Variants in EHMT2 observed in about 807,000 individuals in gnomAD.
The protein encoded by EHMT2 is histone-lysine N-methyltransferase EHMT2.
In EHMT2, 59 loss-of-function variants were observed where a neutral mutation model predicts 143.3. The ratio of observed to expected loss-of-function variants is 0.41; its 90% CI spans 0.33 to 0.51. EHMT2 has a LOEUF of 0.51. Among genes scored for constraint, EHMT2 ranks in the 20% least tolerant of loss-of-function variants. The pLI is 0.18. For missense variants in EHMT2, 1,174 were observed against 1,645.9 expected (o/e 0.71, Z 4.96); for synonymous variants, 604 against 651.5 (o/e 0.93, Z 1.11).
intron 4 of EHMT2, among the ~76,000 whole-genome samples, chr6:31,894,693 G>A (rs760715388): frequency 2.6e-5 from 4 of 151,998 alleles, no homozygotes; most frequent in Non-Finnish European, 4.4e-5. Flanking sequence ...TTTGAGTCTC[G>A]CTCTGTTGCC....
Position 31,888,787 on chromosome 6 carries a change from C to A in EHMT2, c.1217-40G>T. 6.2e-7 allele frequency: 1 copy of A among 1,606,078 alleles called. No homozygotes were observed. Among genetic ancestry groups the A allele is most frequent in the Non-Finnish European group, 8.5e-7 (1 of 1,177,990 alleles). On this transcript the variant is annotated intron_variant, in intron 10 of 27. Coordinates refer to ENST00000375537, the Ensembl canonical transcript of EHMT2. This position sits in a 1 kb window ranked among gnomAD's most constrained non-coding sequence, Gnocchi z 7.4. ...AAGAGGAGCTGAGGGAGGCTCTGCA[C>A]CTCACCTACTGGGACCCCTGGCGGG...
rs754527146 is a variant in EHMT2, at chr6:31,889,049, G to A, written c.1136C>T (p.Ser379Leu). ...GACCTCCATGTACTCACTGGGGCCTGAGGAGCCCACACCATTCACTCCTGA... is the reference window on the plus strand; with the variant it reads ...GACCTCCATGTACTCACTGGGGCCTAAGGAGCCCACACCATTCACTCCTGA... Residue 379 changes from serine to leucine, a missense_variant, in exon 10 of 28, where the codon TCA (serine) becomes TTA (leucine). Coordinates refer to ENST00000375537, the Ensembl canonical transcript of EHMT2. This position sits in a 1 kb window ranked among gnomAD's most constrained non-coding sequence, Gnocchi z 5.1. 29 of 1,604,548 alleles carry A rather than the reference G, an allele frequency of 1.8e-5. No individual in the cohort carries two copies. Among genetic ancestry groups the A allele is most frequent in the Non-Finnish European group, 2.4e-5 (28 of 1,176,736 alleles).
In EHMT2 at chr6:31,880,603, G is replaced by A. The variant is rs2151585095; in HGVS notation, c.3452+70C>T. 1.3e-6 allele frequency: 2 copies of A among 1,529,460 alleles called. No homozygotes were observed. The highest frequency in any genetic ancestry group is 1.8e-6 in the Non-Finnish European group (2 of 1,113,810). 94.7% of individuals were successfully genotyped at this position (1,529,460 alleles called of 1,614,324 possible). A position where few individuals can be genotyped will look rare whatever the true frequency, so the allele number is the denominator to read the frequency against. Reference sequence around the variant, plus strand: ...ATGCCTGGACACCAGGTACATGCCAGCCTTCAGGTCCCAGGTTTGCTGCAT... The same window carrying A: ...ATGCCTGGACACCAGGTACATGCCAACCTTCAGGTCCCAGGTTTGCTGCAT... On this transcript the variant is annotated intron_variant, in intron 27 of 27. Transcript: ENST00000375537. The surrounding 1 kb of genome is among the most constrained non-coding windows in gnomAD (Gnocchi z 6.6).
exon 24 of EHMT2, chr6:31,882,914 C>A: frequency 1.9e-6 from 3 of 1,612,952 alleles, no homozygotes; most frequent in Non-Finnish European, 2.5e-6. Context: ...TCTGTACGAC[C>A]CGGTTCTTGC....
intron 1 of EHMT2, chr6:31,897,241 C>T: frequency 1.7e-6 from 2 of 1,145,700 alleles, no homozygotes; most frequent in Non-Finnish European, 1.1e-6. Flanking sequence ...GGGGGCGGGG[C>T]CTCCGCGCCC....
rs879243235 is a variant in EHMT2, at chr6:31,883,507, CCT to C, written c.2917-70_2917-69del. The C allele has an allele frequency of 5.4e-6, 8 of 1,480,136 alleles. No individual in the cohort carries two copies. Among genetic ancestry groups the C allele is most frequent in the East Asian group, 2.4e-5 (1 of 41,634 alleles). 91.7% of individuals were successfully genotyped at this position (1,480,136 alleles called of 1,614,324 possible). Reference sequence around the variant, plus strand: ...CTGGGCCCCTCTACTCTTGATGCCCCCTGACCCCCTAACCACTGTCCTTTCTT... The same window carrying C: ...CTGGGCCCCTCTACTCTTGATGCCCCGACCCCCTAACCACTGTCCTTTCTT... On this transcript the variant is annotated intron_variant, in intron 22 of 27. Transcript: ENST00000375537. This position sits in a 1 kb window ranked among gnomAD's most constrained non-coding sequence, Gnocchi z 5.6.
chr6:31,883,152 G>A lies in EHMT2; in HGVS notation c.2995-143C>T. The A allele has an allele frequency of 2.3e-6, 2 of 863,532 alleles. No homozygotes were observed. Among genetic ancestry groups the A allele is most frequent in the Non-Finnish European group, 3.7e-6 (2 of 538,114 alleles). 53.5% of individuals were successfully genotyped at this position (863,532 alleles called of 1,614,324 possible). ...CTGAGATCCGAGAGCACGAAATGCAGGAGCATCATCCCTGGTTTGCATAGA... is the reference window on the plus strand; with the variant it reads ...CTGAGATCCGAGAGCACGAAATGCAAGAGCATCATCCCTGGTTTGCATAGA... On this transcript the variant is annotated intron_variant, in intron 23 of 27. Coordinates refer to ENST00000375537, the Ensembl canonical transcript of EHMT2. The surrounding 1 kb of genome is among the most constrained non-coding windows in gnomAD (Gnocchi z 5.6).
rs1238606668 is a variant in EHMT2 at position 31,880,082 on chromosome 6, T to C, written c.*2A>G. ...GCTGGGGAGAGAGGGTGTGGTCCGT[T>C]CTCATGTGTTGACAGGGGGCAGGGA... On this transcript the variant is annotated 3_prime_UTR_variant, in exon 28 of 28. Coordinates refer to ENST00000375537, the Ensembl canonical transcript of EHMT2. The surrounding 1 kb of genome is among the most constrained non-coding windows in gnomAD (Gnocchi z 6.6). 6.2e-7 allele frequency: 1 copy of C among 1,611,962 alleles called. No individual in the cohort carries two copies. Among genetic ancestry groups the C allele is most frequent in the South Asian group, 1.1e-5 (1 of 91,008 alleles).
chr6:31,883,594 T>C lies in EHMT2; in HGVS notation c.2917-155A>G, dbSNP rs1200762464. The C allele has an allele frequency of 7.2e-6, 7 of 973,326 alleles. No individual in the cohort carries two copies. The highest frequency in any genetic ancestry group is 1.6e-5 in the African/African-American group (1 of 62,024). 60.3% of individuals were successfully genotyped at this position (973,326 alleles called of 1,614,324 possible). A position where few individuals can be genotyped will look rare whatever the true frequency, so the allele number is the denominator to read the frequency against. ...GTCCTAGGGTGACGGGTAATCAGTATGGTGGTGTCCCCAGGGCTACTGGGA... is the reference window on the plus strand; with the variant it reads ...GTCCTAGGGTGACGGGTAATCAGTACGGTGGTGTCCCCAGGGCTACTGGGA... On this transcript the variant is annotated intron_variant, in intron 22 of 27. Transcript: ENST00000375537. This position sits in a 1 kb window ranked among gnomAD's most constrained non-coding sequence, Gnocchi z 5.6.
chr6:31,887,758 C>A (rs1458085064), intron 14 of EHMT2, 21 bp downstream of exon 14: 2 of 1,599,648 alleles, frequency 1.3e-6, no homozygotes, highest in South Asian at 1.1e-5. Context: ...AGTTGCTGTG[C>A]CTGAGCAACT....
chr6:31,883,609 G>A lies in EHMT2; in HGVS notation c.2917-170C>T. On this transcript the variant is annotated intron_variant, in intron 22 of 27. Transcript: ENST00000375537. This position sits in a 1 kb window ranked among gnomAD's most constrained non-coding sequence, Gnocchi z 5.6. ...GTAATCAGTATGGTGGTGTCCCCAG[G>A]GCTACTGGGAGCTCATATGATACCT... 1.0e-6 allele frequency: 1 copy of A among 989,892 alleles called. No homozygotes were observed. Among genetic ancestry groups the A allele is most frequent in the Non-Finnish European group, 1.5e-6 (1 of 654,260 alleles). The allele number at this position is 989,892 out of a possible 1,614,324, so 61.3% of individuals were successfully genotyped here.
chr6:31,884,974 T>C lies in EHMT2; in HGVS notation c.2386A>G (p.Lys796Glu). Reference sequence around the variant, plus strand: ...AGCATGCGGATCACCTCGATGTGCTTGTGCTCTGCAGCCCAGATGATGGGC... The same window carrying C: ...AGCATGCGGATCACCTCGATGTGCTCGTGCTCTGCAGCCCAGATGATGGGC... Residue 796 changes from lysine (K) to glutamate (E), a missense_variant, in exon 19 of 28, where the codon AAG (lysine) becomes GAG (glutamate). Lys to Glu is a moderately conservative substitution (Grantham distance 56). This residue lies in a region of EHMT2 where 608 missense variants were observed against 903.7 expected (regional missense o/e 0.67). Coordinates refer to ENST00000375537, the Ensembl canonical transcript of EHMT2. This position sits in a 1 kb window ranked among gnomAD's most constrained non-coding sequence, Gnocchi z 7.3. 6.2e-7 allele frequency: 1 copy of C among 1,611,214 alleles called. No individual in the cohort carries two copies. Among genetic ancestry groups the C allele is most frequent in the Non-Finnish European group, 8.5e-7 (1 of 1,178,098 alleles).
In EHMT2 at chr6:31,884,257, G is replaced by T; in HGVS notation, c.2771+135C>A. 1.9e-6 allele frequency: 2 copies of T among 1,041,886 alleles called. No homozygotes were observed. Among genetic ancestry groups the T allele is most frequent in the Non-Finnish European group, 2.7e-6 (2 of 733,708 alleles). 64.5% of individuals were successfully genotyped at this position (1,041,886 alleles called of 1,614,324 possible). ...TATCTGGCAACCCTAGTGGGGAGGG[G>T]GCCTGTGGGTGGTTCTGGGGATTCA... On this transcript the variant is annotated intron_variant, in intron 21 of 27. Transcript: ENST00000375537. This position sits in a 1 kb window ranked among gnomAD's most constrained non-coding sequence, Gnocchi z 7.3.
At position 31,880,580 on chromosome 6, in the gene EHMT2, G is replaced by T; in HGVS notation, c.3452+93C>A. Reference sequence around the variant, plus strand: ...TCTGAGAAGCTCTGCACTACTCCATGCCTGGACACCAGGTACATGCCAGCC... The same window carrying T: ...TCTGAGAAGCTCTGCACTACTCCATTCCTGGACACCAGGTACATGCCAGCC... On this transcript the variant is annotated intron_variant, in intron 27 of 27. Transcript: ENST00000375537. The surrounding 1 kb of genome is among the most constrained non-coding windows in gnomAD (Gnocchi z 6.6). The T allele has an allele frequency of 7.4e-7, 1 of 1,358,110 alleles. No homozygotes were observed. 84.1% of individuals were successfully genotyped at this position (1,358,110 alleles called of 1,614,324 possible).
chr6:31,889,187 C>A lies in EHMT2; in HGVS notation c.1114+41G>T. 1.3e-6 allele frequency: 2 copies of A among 1,567,460 alleles called. No homozygotes were observed. Among genetic ancestry groups the A allele is most frequent in the East Asian group, 2.3e-5 (1 of 42,798 alleles). On this transcript the variant is annotated intron_variant, in intron 9 of 27. Transcript: ENST00000375537. The surrounding 1 kb of genome is among the most constrained non-coding windows in gnomAD (Gnocchi z 5.1). ...CGTGCACACACTCTGGGGGGCCGGGCGGGGGCTGGAGGGCACCCAAAAGCA... is the reference window on the plus strand; with the variant it reads ...CGTGCACACACTCTGGGGGGCCGGGAGGGGGCTGGAGGGCACCCAAAAGCA...
At chr6:31,879,825 T>C in exon 28 of EHMT2, 1 of 520,702 alleles carries the variant, frequency 1.9e-6, no homozygotes, top group Admixed American at 3.1e-5. Flanking sequence ...CCGACTTCAA[T>C]TCATCAAACT....
chr6:31,888,780 C>A lies in EHMT2; in HGVS notation c.1217-33G>T, dbSNP rs748891428. ...GGAGGAAAAGAGGAGCTGAGGGAGG[C>A]TCTGCACCTCACCTACTGGGACCCC... On this transcript the variant is annotated intron_variant, in intron 10 of 27. Transcript: ENST00000375537. The surrounding 1 kb of genome is among the most constrained non-coding windows in gnomAD (Gnocchi z 7.4). 1 of 1,607,768 alleles carries A rather than the reference C, an allele frequency of 6.2e-7. No homozygotes were observed. Among genetic ancestry groups the A allele is most frequent in the South Asian group, 1.1e-5 (1 of 90,678 alleles).
chr6:31,880,472 C>G lies in EHMT2; in HGVS notation c.3452+201G>C. On this transcript the variant is annotated intron_variant, in intron 27 of 27. Coordinates refer to ENST00000375537, the Ensembl canonical transcript of EHMT2. The surrounding 1 kb of genome is among the most constrained non-coding windows in gnomAD (Gnocchi z 6.6). Reference sequence around the variant, plus strand: ...GAAATGCAGAATCCTGGGCCCCATCCCAAGCCTACTGATTCAAAATCTCTC... The same window carrying G: ...GAAATGCAGAATCCTGGGCCCCATCGCAAGCCTACTGATTCAAAATCTCTC... The G allele has an allele frequency of 1.2e-6, 1 of 835,798 alleles. No individual in the cohort carries two copies. The highest frequency in any genetic ancestry group is 1.8e-5 in the South Asian group (1 of 54,330). The allele number at this position is 835,798 out of a possible 1,614,324, so 51.8% of individuals were successfully genotyped here. A position where few individuals can be genotyped will look rare whatever the true frequency, so the allele number is the denominator to read the frequency against.
At chr6:31,896,343 G>A in exon 4 of EHMT2, 2 of 1,612,972 alleles carry the variant, frequency 1.2e-6, no homozygotes, top group Non-Finnish European at 1.7e-6. Context: ...GTGGCTGGAG[G>A]GGGTTCAGAC....
Sources: allele counts gnomAD v4.1 joint callset (sites outside exome capture counted in the v4.1 genomes callset), GRCh38; gene constraint gnomAD v4.1.1; regional missense constraint gnomAD v4.1.1; non-coding constraint Gnocchi (gnomAD v3.1); transcripts MANE v1.5; gene names NCBI Gene and HGNC (gene_info 2026-07-23, HGNC 2026-07-21).